Variants in C8orf34 observed in about 807,000 individuals in gnomAD.
C8orf34 encodes the protein chromosome 8 open reading frame 34, also known as uncharacterized protein C8orf34.
C8orf34 carries 65 observed loss-of-function variants against 68.3 expected under a neutral mutation model. The observed-to-expected ratio is 0.95, with a 90% confidence interval of 0.78 to 1.17. C8orf34 has a LOEUF of 1.17. Among genes scored for constraint, C8orf34 ranks in the 50% most tolerant of loss-of-function variants. The pLI, the probability that C8orf34 is intolerant of heterozygous loss-of-function variation, is 0.00. For synonymous variants in C8orf34, 244 were observed against 241.2 expected (o/e 1.01, Z -0.11); for missense variants, 664 against 655.4 (o/e 1.01, Z -0.14).
chr8:68,653,446 A>G (rs1242591018), intron 8 of C8orf34, among the ~76,000 whole-genome samples: 2 of 152,166 alleles, frequency 1.3e-5, no homozygotes, highest in Admixed American at 6.6e-5. Context: ...TAAAATCCTG[A>G]AAGGCTCCTG....
intron 8 of C8orf34, among the ~76,000 whole-genome samples, chr8:68,691,243 T>G (rs1050134753): frequency 2.6e-5 from 4 of 152,038 alleles, no homozygotes; most frequent in Admixed American, 2.6e-4. Context: ...AGCAAGTCTG[T>G]CTGTGCCATT....
chr8:68,585,192 A>C (rs1016681548), intron 7 of C8orf34, among the ~76,000 whole-genome samples: 2 of 152,318 alleles, frequency 1.3e-5, no homozygotes, highest in Admixed American at 6.5e-5. Context: ...CAAAATGTTA[A>C]AAAATTAGAA....
At chr8:68,748,878 C>A (rs1271740034) in intron 10 of C8orf34, among the ~76,000 whole-genome samples, 2 of 152,198 alleles carry the variant, frequency 1.3e-5, no homozygotes, top group Non-Finnish European at 2.9e-5. Flanking sequence ...CCAGCCATCC[C>A]ATTACTGGGT....
intron 7 of C8orf34, among the ~76,000 whole-genome samples, chr8:68,623,126 C>T (rs1003806136): frequency 6.6e-6 from 1 of 152,296 alleles, no homozygotes; most frequent in East Asian, 1.9e-4. Context: ...TCAGATTAAA[C>T]TCTATTAACC....
chr8:68,462,700 A>C (rs540891589), intron 3 of C8orf34, among the ~76,000 whole-genome samples: 1 of 152,268 alleles, frequency 6.6e-6, no homozygotes, highest in African/African-American at 2.4e-5. Flanking sequence ...TACTGGGTAC[A>C]TAACAAAATG....
In C8orf34 at chr8:68,340,046, G is replaced by T. The variant is rs562371764; in HGVS notation, c.327+8707G>T. On this transcript the variant is annotated intron_variant, in intron 1 of 13. Coordinates refer to ENST00000518698, the MANE Select transcript of C8orf34 (RefSeq NM_052958.4). The stretch of plus-strand genomic sequence containing the variant: ...TGAATAGCTGCTCAATATCATTAGG[G>T]AAATATAGCTAAACCCACTACCCAT... Among the ~76,000 whole-genome samples the T allele has an allele frequency of 2.6e-5, 4 of 152,144 alleles. No homozygotes were observed. The East Asian group carries it at 7.7e-4, about 29-fold the overall frequency.
At chr8:68,497,922 G>A (rs942969924) in intron 5 of C8orf34, among the ~76,000 whole-genome samples, 3 of 152,216 alleles carry the variant, frequency 2.0e-5, no homozygotes, top group Non-Finnish European at 2.9e-5. Flanking sequence ...TCCGCCTCCC[G>A]GGTTCAAGCG....
chr8:68,797,218 TA>T (rs1225999127), intron 12 of C8orf34, among the ~76,000 whole-genome samples: 1 of 152,244 alleles, frequency 6.6e-6, no homozygotes, highest in Non-Finnish European at 1.5e-5. Flanking sequence ...AGAAGTGCTC[TA>T]AGCGCTTAGG....
At chr8:68,778,694 T>C (rs529743995) in intron 11 of C8orf34, among the ~76,000 whole-genome samples, 33 of 152,324 alleles carry the variant, frequency 2.2e-4, no homozygotes, top group African/African-American at 7.7e-4. Context: ...TTAAAAATAT[T>C]ACATGCTTTT....
chr8:68,353,960 C>T (rs1287544929), intron 1 of C8orf34, among the ~76,000 whole-genome samples: 1 of 151,784 alleles, frequency 6.6e-6, no homozygotes, highest in Non-Finnish European at 1.5e-5. Flanking sequence ...GAACCAATCC[C>T]CTTCTGCATC....
chr8:68,740,638 G>A (rs1231115402), intron 10 of C8orf34, among the ~76,000 whole-genome samples: 1 of 152,132 alleles, frequency 6.6e-6, no homozygotes, highest in Non-Finnish European at 1.5e-5. Context: ...TGCTGTTGGT[G>A]GGAGTGTAAA....
chr8:68,633,618 C>A (rs1432874657), intron 7 of C8orf34, among the ~76,000 whole-genome samples: 1 of 152,148 alleles, frequency 6.6e-6, no homozygotes, highest in Admixed American at 6.6e-5. Context: ...AAATTTCCAG[C>A]TTACCAAATT....
chr8:68,347,496 G>A (rs556341107), intron 1 of C8orf34, among the ~76,000 whole-genome samples: 1 of 152,022 alleles, frequency 6.6e-6, no homozygotes, highest in Non-Finnish European at 1.5e-5. Flanking sequence ...GGGATTGCTG[G>A]GTCAAATGGT....
chr8:68,731,994 C>T (rs138229405), intron 10 of C8orf34, among the ~76,000 whole-genome samples: 256 of 152,336 alleles, frequency 1.7e-3, no homozygotes, highest in African/African-American at 5.8e-3. Flanking sequence ...TCTGGGTTCA[C>T]TGTGTACTGT....
chr8:68,380,258 T>C (rs1435974503), intron 1 of C8orf34, among the ~76,000 whole-genome samples: 3 of 152,208 alleles, frequency 2.0e-5, no homozygotes, highest in Non-Finnish European at 2.9e-5. Flanking sequence ...GCCTTTAAAT[T>C]AAATTCAGTT....
chr8:68,743,535 G>A (rs367896961), intron 10 of C8orf34, among the ~76,000 whole-genome samples: 254 of 152,286 alleles, frequency 1.7e-3, no homozygotes, highest in African/African-American at 5.6e-3. Flanking sequence ...CACACCGTGC[G>A]CAAGCCGAAC....
intron 1 of C8orf34, among the ~76,000 whole-genome samples, chr8:68,336,327 G>A (rs1805849376): frequency 6.6e-6 from 1 of 152,098 alleles, no homozygotes; most frequent in African/African-American, 2.4e-5. Flanking sequence ...TAAAGAAAGG[G>A]GCTGAGTGGG....
At chr8:68,617,891 A>T (rs1031874952) in intron 7 of C8orf34, among the ~76,000 whole-genome samples, 10 of 152,072 alleles carry the variant, frequency 6.6e-5, no homozygotes, top group Non-Finnish European at 1.3e-4. Context: ...TTCCAACTTG[A>T]TTCCATTCTC....
chr8:68,679,450 C>G (rs1430028525), intron 8 of C8orf34, among the ~76,000 whole-genome samples: 1 of 152,118 alleles, frequency 6.6e-6, no homozygotes, highest in East Asian at 1.9e-4. Flanking sequence ...GAAAGGTATT[C>G]CATATTCATG....
Sources: gnomAD v4.1 joint callset for allele counts (sites outside exome capture counted in the v4.1 genomes callset) on GRCh38, gnomAD v4.1.1 for gene constraint, MANE v1.5 for transcripts, NCBI Gene and HGNC (gene_info 2026-07-23, HGNC 2026-07-21) for gene names.